Variants in AGMO observed in about 807,000 individuals in gnomAD.
AGMO encodes the protein alkylglycerol monooxygenase.
AGMO carries 75 observed loss-of-function variants against 60.2 expected under a neutral mutation model. The observed-to-expected ratio is 1.25, with a 90% CI of 1.03 to 1.51. The LOEUF (loss-of-function observed/expected upper bound fraction) is 1.51. Among genes scored for constraint, AGMO ranks in the 40% most tolerant of loss-of-function variants. The pLI, the probability that AGMO is intolerant of heterozygous loss-of-function variation, is 0.00. For missense variants in AGMO, 763 were observed against 525.5 expected, an observed-to-expected ratio of 1.45 and a Z score of -4.42; for synonymous variants, 261 against 177.1, an observed-to-expected ratio of 1.47 and a Z score of -3.76.
At chr7:15,227,510 A>C (rs1445019078) in intron 12 of AGMO, among the ~76,000 whole-genome samples, 3 of 112,252 alleles carry the variant, frequency 2.7e-5, no homozygotes, top group African/African-American at 1.1e-4. Context: ...TGGCAGATTA[A>C]AAAAAAAAAA....
At chr7:15,311,557 G>A (rs1160945797) in intron 12 of AGMO, among the ~76,000 whole-genome samples, 1 of 152,098 alleles carries the variant, frequency 6.6e-6, no homozygotes, top group Non-Finnish European at 1.5e-5. Flanking sequence ...GTTTGTATCA[G>A]TTAGGTGGAC....
intron 12 of AGMO, among the ~76,000 whole-genome samples, chr7:15,316,730 T>C (rs955998266): frequency 6.6e-6 from 1 of 152,176 alleles, no homozygotes; most frequent in African/African-American, 2.4e-5. Flanking sequence ...ACGTTTCCCC[T>C]CTCACTGTTT....
At chr7:15,196,962 G>T (rs10275148), downstream of AGMO, among the ~76,000 whole-genome samples, 1,733 of 152,132 alleles carry the variant, frequency 0.011, 25 homozygotes, top group African/African-American at 0.04. Context: ...TCTTGGGGAG[G>T]AAGGAATGTA....
intron 3 of AGMO, among the ~76,000 whole-genome samples, chr7:15,513,394 G>GT (rs1401952914): frequency 6.6e-6 from 1 of 152,106 alleles, no homozygotes; most frequent in Non-Finnish European, 1.5e-5. Flanking sequence ...GGCTATTTCT[G>GT]TTTTTTCTTT....
the AGMO span, among the ~76,000 whole-genome samples, chr7:15,180,200 T>C: frequency 2.0e-5 from 3 of 152,202 alleles, no homozygotes; most frequent in Non-Finnish European, 4.4e-5. Flanking sequence ...TTTTATGTCA[T>C]CAGGCTACAA....
At chr7:15,440,203 G>A (rs1367170680) in intron 3 of AGMO, among the ~76,000 whole-genome samples, 2 of 152,088 alleles carry the variant, frequency 1.3e-5, no homozygotes, top group African/African-American at 2.4e-5. Context: ...TTCATGATGA[G>A]TTATATGTCT....
chr7:15,156,165 G>A, the AGMO span, among the ~76,000 whole-genome samples: 5 of 152,180 alleles, frequency 3.3e-5, no homozygotes, highest in Admixed American at 6.5e-5. Flanking sequence ...AGGTGATGGC[G>A]GGAGGCTATG....
At chr7:15,366,362 A>C (rs1250964849) in intron 10 of AGMO, 140 bp from the exon 11 acceptor site, 3 of 512,272 alleles carry the variant, frequency 5.9e-6, no homozygotes, top group Admixed American at 3.8e-5. Context: ...AAGCTTGACT[A>C]CACAGAAAAC....
intron 12 of AGMO, among the ~76,000 whole-genome samples, chr7:15,256,982 A>G (rs912281030): frequency 1.3e-5 from 2 of 152,196 alleles, no homozygotes; most frequent in Non-Finnish European, 2.9e-5. Flanking sequence ...GTAAGCCTCT[A>G]AACAAAGAGG....
At chr7:15,296,781 G>A (rs1447687703) in intron 12 of AGMO, among the ~76,000 whole-genome samples, 1 of 152,100 alleles carries the variant, frequency 6.6e-6, no homozygotes, top group African/African-American at 2.4e-5. Context: ...GGAAACTGGT[G>A]TTCAGGAAGA....
chr7:15,249,113 G>A (rs1782854435), intron 12 of AGMO, among the ~76,000 whole-genome samples: 1 of 152,198 alleles, frequency 6.6e-6, no homozygotes, highest in Admixed American at 6.5e-5. Context: ...CAAGAAGGTA[G>A]AGTTGTTTTC....
At chr7:15,346,723 C>A (rs1301606110) in intron 12 of AGMO, among the ~76,000 whole-genome samples, 2 of 151,518 alleles carry the variant, frequency 1.3e-5, no homozygotes, top group African/African-American at 2.4e-5. Flanking sequence ...ATCCAAAAAT[C>A]AACTTGACCC....
At chr7:15,327,898 G>A (rs1256593591) in intron 12 of AGMO, among the ~76,000 whole-genome samples, 1 of 151,156 alleles carries the variant, frequency 6.6e-6, no homozygotes, top group Admixed American at 6.6e-5. Flanking sequence ...CTGGGTAGCT[G>A]GGGACTACAG....
At chr7:15,386,183 G>A (rs1203856426) in intron 9 of AGMO, among the ~76,000 whole-genome samples, 1 of 78,086 alleles carries the variant, frequency 1.3e-5, no homozygotes, top group South Asian at 3.3e-4. Context: ...GAAAAAAAAA[G>A]AAAAGAAAAG....
intron 12 of AGMO, among the ~76,000 whole-genome samples, chr7:15,271,019 T>C (rs753356338): frequency 3.3e-5 from 5 of 152,094 alleles, no homozygotes; most frequent in African/African-American, 1.2e-4. Context: ...TCCATTGATC[T>C]ATGTTTCTAT....
the AGMO span, among the ~76,000 whole-genome samples, chr7:15,128,209 G>A: frequency 6.6e-6 from 1 of 152,054 alleles, no homozygotes; most frequent in Non-Finnish European, 1.5e-5. Context: ...CAATCCAAAC[G>A]AGTGTGATAA....
chr7:15,494,343 C>A (rs1339835382), intron 3 of AGMO, among the ~76,000 whole-genome samples: 1 of 152,152 alleles, frequency 6.6e-6, no homozygotes, highest in Non-Finnish European at 1.5e-5. Context: ...AGATCTAGAG[C>A]ATTATGCTTG....
intron 12 of AGMO, among the ~76,000 whole-genome samples, chr7:15,202,709 T>A (rs1229362815): frequency 4.6e-5 from 7 of 152,136 alleles, no homozygotes; most frequent in Non-Finnish European, 5.9e-5. Flanking sequence ...AATATTAACG[T>A]CTTGGAGTTG....
intron 4 of AGMO, among the ~76,000 whole-genome samples, chr7:15,426,580 C>A (rs1781069671): frequency 6.6e-6 from 1 of 151,986 alleles, no homozygotes. Flanking sequence ...AAAACCCTGT[C>A]TATACAAAAT....
Sources: allele counts gnomAD v4.1 joint callset (sites outside exome capture counted in the v4.1 genomes callset), GRCh38; gene constraint gnomAD v4.1.1; transcripts MANE v1.5; gene names NCBI Gene and HGNC (gene_info 2026-07-23, HGNC 2026-07-21).